DLGAP1: variants seen among roughly 807,000 people sequenced by gnomAD.
DLGAP1 encodes disks large-associated protein 1.
In DLGAP1, 11 loss-of-function variants were observed where a neutral mutation model predicts 90.8. The ratio of observed to expected loss-of-function variants is 0.12; its 90% CI spans 0.08 to 0.20. The LOEUF is 0.20. Ranked by LOEUF, DLGAP1 falls within the 10% of genes least tolerant of loss-of-function variation. DLGAP1 has a pLI of 1.00. For synonymous variants in DLGAP1, 558 were observed against 540.7 expected, an observed-to-expected ratio of 1.03 and a Z score of -0.44; for missense variants, 1,050 against 1,333.8, an observed-to-expected ratio of 0.79 and a Z score of 3.31.
At chr18:4,335,604 T>C (rs2081052816) in intron 1 of DLGAP1, among the ~76,000 whole-genome samples, 1 of 152,136 alleles carries the variant, frequency 6.6e-6, no homozygotes, top group Non-Finnish European at 1.5e-5. Flanking sequence ...CATAAGACAG[T>C]ACTGTCTGGA....
At position 3,498,067 on chromosome 18, in the gene DLGAP1, A is replaced by C. The variant is rs2049751767; in HGVS notation, c.*1118T>G. 6.6e-6 allele frequency: 1 copy of C among 152,248 alleles called. No individual in the cohort carries two copies. Among genetic ancestry groups the C allele is most frequent in the African/African-American group, 2.4e-5 (1 of 41,466 alleles). The allele number at this position is 152,248 out of a possible 1,614,324, so 9.4% of individuals were successfully genotyped here. On this transcript the variant is annotated 3_prime_UTR_variant, in exon 13 of 13. Transcript: ENST00000315677. ...TGAAAGGAGAAAATATATCTGAAAT[A>C]CGAACTACTTGGGTTAAAATAGACG...
chr18:4,063,244 C>T (rs903182138), intron 2 of DLGAP1, among the ~76,000 whole-genome samples: 10 of 152,038 alleles, frequency 6.6e-5, no homozygotes, highest in African/African-American at 1.9e-4. Flanking sequence ...ACATATTCTC[C>T]TATCAATATA....
intron 5 of DLGAP1, among the ~76,000 whole-genome samples, chr18:3,748,474 T>C (rs556669627): frequency 6.6e-6 from 1 of 152,370 alleles, no homozygotes; most frequent in South Asian, 2.1e-4. Context: ...GGGAGAATCT[T>C]TGGAGGTGAT....
intron 5 of DLGAP1, among the ~76,000 whole-genome samples, chr18:3,786,704 A>C (rs1217236676): frequency 1.3e-5 from 2 of 152,210 alleles, no homozygotes; most frequent in Non-Finnish European, 2.9e-5. Flanking sequence ...CTCAAAAATA[A>C]GCTAAGTTAA....
At chr18:4,091,632 C>T (rs771358214) in intron 2 of DLGAP1, among the ~76,000 whole-genome samples, 5 of 152,304 alleles carry the variant, frequency 3.3e-5, no homozygotes, top group Middle Eastern at 3.4e-3. Context: ...ATTCTTTCCA[C>T]GACTGTGCTG....
intron 1 of DLGAP1, among the ~76,000 whole-genome samples, chr18:4,349,847 T>G (rs1053566756): frequency 2.0e-5 from 3 of 152,166 alleles, no homozygotes; most frequent in African/African-American, 7.2e-5. Flanking sequence ...TTGTGAGGCT[T>G]ACACGTGTTA....
intron 2 of DLGAP1, among the ~76,000 whole-genome samples, chr18:4,111,813 G>A (rs187739579): frequency 2.4e-4 from 37 of 151,972 alleles, no homozygotes; most frequent in African/African-American, 7.7e-4. Context: ...TTTTGGTAAT[G>A]TGAATCTCAT....
At chr18:3,668,561 C>T (rs527908827) in intron 7 of DLGAP1, among the ~76,000 whole-genome samples, 71 of 146,342 alleles carry the variant, frequency 4.9e-4, no homozygotes, top group African/African-American at 1.7e-3. Context: ...TCTTCCGTAC[C>T]TTCTTCTGTG....
intron 1 of DLGAP1, among the ~76,000 whole-genome samples, chr18:4,307,356 ACT>A (rs1318699912): frequency 3.3e-5 from 5 of 151,750 alleles, no homozygotes; most frequent in Admixed American, 2.0e-4. Flanking sequence ...TCAACCAAAA[ACT>A]CTGTTCTACC....
intron 1 of DLGAP1, among the ~76,000 whole-genome samples, chr18:4,227,350 G>A (rs1293417691): frequency 6.6e-6 from 1 of 151,976 alleles, no homozygotes; most frequent in Middle Eastern, 3.4e-3. Context: ...AGACCAAATG[G>A]ACCTAATAGA....
At chr18:3,737,850 G>A (rs961226046) in intron 6 of DLGAP1, among the ~76,000 whole-genome samples, 19 of 149,448 alleles carry the variant, frequency 1.3e-4, no homozygotes, top group Non-Finnish European at 2.4e-4. Context: ...CTTTGCAGAC[G>A]ACATGATTGT....
intron 2 of DLGAP1, among the ~76,000 whole-genome samples, chr18:4,147,294 T>A (rs959405156): frequency 2.0e-5 from 3 of 152,158 alleles, no homozygotes; most frequent in African/African-American, 7.2e-5. Flanking sequence ...ATTTCCCCGG[T>A]TGTACTCAAT....
intron 7 of DLGAP1, among the ~76,000 whole-genome samples, chr18:3,627,697 G>C (rs2058347476): frequency 6.6e-6 from 1 of 151,978 alleles, no homozygotes; most frequent in Non-Finnish European, 1.5e-5. Flanking sequence ...GTCTTCCTCT[G>C]TTGCCCAGGC....
At chr18:4,428,892 A>G (rs957221094) in intron 1 of DLGAP1, among the ~76,000 whole-genome samples, 1 of 152,230 alleles carries the variant, frequency 6.6e-6, no homozygotes, top group Non-Finnish European at 1.5e-5. Flanking sequence ...ACATTAAAAT[A>G]GAAAATGAGC....
intron 3 of DLGAP1, among the ~76,000 whole-genome samples, chr18:3,880,955 A>G (rs1007645637): frequency 2.0e-5 from 3 of 150,690 alleles, no homozygotes; most frequent in African/African-American, 2.4e-5. Flanking sequence ...AAAAAAAAAA[A>G]AAAAAAAAAA....
At chr18:3,765,282 C>T (rs1281193572) in intron 5 of DLGAP1, among the ~76,000 whole-genome samples, 3 of 151,018 alleles carry the variant, frequency 2.0e-5, no homozygotes, top group Admixed American at 6.6e-5. Flanking sequence ...AGGCGCCCGC[C>T]ACCACGCCTG....
chr18:3,949,398 A>C (rs1436115074), intron 3 of DLGAP1, among the ~76,000 whole-genome samples: 5 of 152,206 alleles, frequency 3.3e-5, no homozygotes, highest in African/African-American at 1.2e-4. Flanking sequence ...CAGTGGTCTC[A>C]GGACCCAGCT....
At chr18:4,404,750 G>A (rs966718719) in intron 1 of DLGAP1, among the ~76,000 whole-genome samples, 2 of 152,088 alleles carry the variant, frequency 1.3e-5, no homozygotes, top group African/African-American at 4.8e-5. Context: ...TGAGGAAAAC[G>A]CATAAAGGCC....
intron 1 of DLGAP1, among the ~76,000 whole-genome samples, chr18:4,355,697 T>C (rs1203319037): frequency 2.6e-5 from 4 of 151,188 alleles, no homozygotes; most frequent in Non-Finnish European, 5.9e-5. Context: ...ACACAAGTTA[T>C]CTTCGGAGAA....
Sources: gnomAD v4.1 joint callset for allele counts (sites outside exome capture counted in the v4.1 genomes callset) on GRCh38, gnomAD v4.1.1 for gene constraint, MANE v1.5 for transcripts, NCBI Gene and HGNC (gene_info 2026-07-23, HGNC 2026-07-21) for gene names.